TMLHE: variants seen among roughly 807,000 people sequenced by gnomAD.
TMLHE encodes trimethyllysine hydroxylase, epsilon.
In TMLHE, 18 loss-of-function variants were observed where a neutral mutation model predicts 25.7. That is an observed-to-expected ratio of 0.70 (90% confidence interval 0.48 to 1.04). TMLHE has a LOEUF of 1.04. TMLHE is among the 50% of genes least tolerant of loss of function. TMLHE has a pLI of 0.00. For synonymous variants in TMLHE, 105 were observed against 97.0 expected (o/e 1.08, Z -0.49); for missense variants, 236 against 259.0 (o/e 0.91, Z 0.61).
chrX:155,598,319 CAG>C (rs1317020377), intron 1 of TMLHE, among the ~76,000 whole-genome samples: 1 of 109,986 alleles, frequency 9.1e-6, no homozygotes, highest in African/African-American at 3.3e-5. Flanking sequence ...CCAACAATGA[CAG>C]ACTGGATTAA....
chrX:155,548,526 CAGTATGA>C (rs2067376802), intron 1 of TMLHE, among the ~76,000 whole-genome samples: 1 of 108,189 alleles, frequency 9.2e-6, no homozygotes, highest in Admixed American at 9.6e-5. Context: ...ACAAGGTCAG[CAGTATGA>C]GGCCAGCCTG....
rs1412898873 is a variant in TMLHE at position 155,570,865 on chromosome X, C to A, written c.-1-25588G>T. Among the ~76,000 whole-genome samples the A allele has an allele frequency of 3.5e-5, 2 of 57,264 alleles. 1 individual carries two copies. The highest frequency in any genetic ancestry group is 9.1e-5 in the Non-Finnish European group (2 of 22,058). The allele number at this position is 57,264 out of a possible 115,157, so 49.7% of individuals were successfully genotyped here. A position where few individuals can be genotyped will look rare whatever the true frequency, so the allele number is the denominator to read the frequency against. Reference sequence around the variant, plus strand: ...AGAGGGAAATTTATAGCACTAAATACCCACAAGAGAAGCAGGAAAGATCCA... The same window carrying A: ...AGAGGGAAATTTATAGCACTAAATAACCACAAGAGAAGCAGGAAAGATCCA... On this transcript the variant is annotated intron_variant, in intron 1 of 7. Coordinates refer to ENST00000334398, the MANE Select transcript of TMLHE (RefSeq NM_018196.4).
chrX:155,548,602 GCACACA>G (rs1169703340), intron 1 of TMLHE, among the ~76,000 whole-genome samples: 1 of 108,576 alleles, frequency 9.2e-6, no homozygotes, highest in Non-Finnish European at 1.9e-5. Context: ...GGGTGTGGTG[GCACACA>G]CCTGTATTCC....
At chrX:155,570,844 G>A (rs2067544526) in intron 1 of TMLHE, among the ~76,000 whole-genome samples, 1 of 56,864 alleles carries the variant, frequency 1.8e-5, no homozygotes, top group South Asian at 9.7e-4. Context: ...GTGTCTAGAG[G>A]GAAATTTATA....
chrX:155,514,053 A>G lies in TMLHE; in HGVS notation c.571T>C (p.Phe191Leu), dbSNP rs782217700. Reference sequence around the variant, plus strand: ...TGAGTGGGAGGGACATTTTCTACGAATGCAATTCCATAGAGCAGAAAGTTT... The same window carrying G: ...TGAGTGGGAGGGACATTTTCTACGAGTGCAATTCCATAGAGCAGAAAGTTT... The part of the protein sequence containing the change: ...LQNFLLYGIA[F>L]VENVPPTQEH... Residue 191 changes from phenylalanine to leucine, a missense_variant, in exon 4 of 8, where the codon TTC (phenylalanine) becomes CTC (leucine). By Grantham distance (22) the Phe-to-Leu change is conservative (BLOSUM62 0). This residue lies in a region of TMLHE where 217 missense variants were observed against 214.6 expected (regional missense o/e 1.01). Transcript: ENST00000334398. 1 of 1,210,911 alleles carries G rather than the reference A, an allele frequency of 8.3e-7. No homozygotes were observed. The highest frequency in any genetic ancestry group is 1.1e-6 in the Non-Finnish European group (1 of 894,987).
intron 1 of TMLHE, among the ~76,000 whole-genome samples, chrX:155,594,381 T>A (rs2067709810): frequency 9.0e-6 from 1 of 110,939 alleles, no homozygotes; most frequent in Non-Finnish European, 1.9e-5. Context: ...GAAGCAATTT[T>A]TAAAAAAAAG....
At chrX:155,539,610 G>A (rs1185014364) in intron 2 of TMLHE, among the ~76,000 whole-genome samples, 1 of 111,319 alleles carries the variant, frequency 9.0e-6, no homozygotes, top group Non-Finnish European at 1.9e-5. Flanking sequence ...AAATGTTAAA[G>A]TCTCAACAAG....
At chrX:155,526,385 G>A (rs1478695692) in intron 2 of TMLHE, among the ~76,000 whole-genome samples, 1 of 113,054 alleles carries the variant, frequency 8.8e-6, no homozygotes, top group Non-Finnish European at 1.9e-5. Flanking sequence ...TGGGTGCCCA[G>A]AAGGCAGGAG....
intron 1 of TMLHE, among the ~76,000 whole-genome samples, chrX:155,550,747 G>T (rs2067409184): frequency 1.8e-5 from 2 of 110,512 alleles, no homozygotes; most frequent in East Asian, 5.6e-4. Flanking sequence ...AGAGTGATGT[G>T]GGGAACTTTA....
chrX:155,507,950 C>A (rs781811976), intron 5 of TMLHE, among the ~76,000 whole-genome samples: 9 of 110,407 alleles, frequency 8.2e-5, no homozygotes, highest in Non-Finnish European at 1.7e-4. Flanking sequence ...TGAGAGATAC[C>A]GAGATAGAAG....
chrX:155,605,407 T>C (rs2067780912), intron 1 of TMLHE, among the ~76,000 whole-genome samples: 1 of 111,836 alleles, frequency 8.9e-6, no homozygotes, highest in Admixed American at 9.4e-5. Context: ...AGCAGAAATC[T>C]TGCAAGTCAA....
chrX:155,529,131 A>C (rs1270975666), intron 2 of TMLHE, among the ~76,000 whole-genome samples: 1 of 111,824 alleles, frequency 8.9e-6, no homozygotes, highest in Non-Finnish European at 1.9e-5. Context: ...AGAGATGCTA[A>C]GTAACTTTGT....
At chrX:155,600,348 T>C (rs2067748660) in intron 1 of TMLHE, among the ~76,000 whole-genome samples, 1 of 112,335 alleles carries the variant, frequency 8.9e-6, no homozygotes, top group East Asian at 2.8e-4. Context: ...TCGCATTTAA[T>C]TTTTCCTTTA....
intron 4 of TMLHE, among the ~76,000 whole-genome samples, chrX:155,512,479 C>T (rs1220912362): frequency 9.1e-6 from 1 of 110,083 alleles, no homozygotes; most frequent in Non-Finnish European, 1.9e-5. Context: ...TCATCCATGT[C>T]CCTACAAAGG....
rs5983653 is a variant in TMLHE, at chrX:155,573,106, A to C, written c.-1-27829T>G. Among the ~76,000 whole-genome samples the C allele has an allele frequency of 2.7e-3, 154 of 57,313 alleles. 20 individuals are homozygous for C. The highest frequency in any genetic ancestry group is 6.2e-3 in the African/African-American group (149 of 24,046). The allele number at this position is 57,313 out of a possible 115,157, so 49.8% of individuals were successfully genotyped here. On this transcript the variant is annotated intron_variant, in intron 1 of 7. Transcript: ENST00000334398. ...CATCTGACAAAGGGCTAATATCCAG[A>C]ATCTACAATGAACTCAAACAAATTT... is the stretch of plus-strand genomic sequence containing the variant.
chrX:155,511,534 GT>G (rs2067113092), intron 5 of TMLHE, 138 bp downstream of exon 5: 1 of 601,025 alleles, frequency 1.7e-6, no homozygotes, highest in Non-Finnish European at 2.4e-6. Flanking sequence ...AAATGATCAT[GT>G]TTCTAGGGGA....
chrX:155,515,770 G>A (rs1213604829), intron 3 of TMLHE, among the ~76,000 whole-genome samples: 1 of 110,795 alleles, frequency 9.0e-6, no homozygotes, highest in African/African-American at 3.3e-5. Context: ...CTTTAATGCA[G>A]GGACTACCAA....
intron 1 of TMLHE, among the ~76,000 whole-genome samples, chrX:155,555,943 C>T (rs2067450936): frequency 9.1e-6 from 1 of 109,722 alleles, no homozygotes; most frequent in African/African-American, 3.4e-5. Context: ...GAAGTCCTTG[C>T]CCATGCCTAT....
At chrX:155,545,950 T>C (rs1275290316) in intron 1 of TMLHE, among the ~76,000 whole-genome samples, 2 of 110,360 alleles carry the variant, frequency 1.8e-5, no homozygotes, top group Non-Finnish European at 3.8e-5. Context: ...AACTGACCCA[T>C]AATTGTAAAA....
Sources: allele counts gnomAD v4.1 joint callset (sites outside exome capture counted in the v4.1 genomes callset), GRCh38; gene constraint gnomAD v4.1.1; regional missense constraint gnomAD v4.1.1; transcripts MANE v1.5; gene names NCBI Gene and HGNC (gene_info 2026-07-23, HGNC 2026-07-21).